Variants in NELL1 observed in about 807,000 individuals in gnomAD.
NELL1 encodes the protein protein kinase C-binding protein NELL1.
A neutral mutation model predicts 107.4 loss-of-function variants in NELL1; 76 were observed. That is an observed-to-expected ratio of 0.71 (90% confidence interval 0.59 to 0.86). The LOEUF is 0.86. Among genes scored for constraint, NELL1 ranks in the 40% least tolerant of loss-of-function variants. The probability of loss-of-function intolerance (pLI) is 0.00; values close to 1 mark genes in which losing one functional copy is unlikely to be tolerated. For synonymous variants in NELL1, 353 were observed against 341.2 expected (o/e 1.03, Z -0.38); for missense variants, 1,024 against 1,005.5 (o/e 1.02, Z -0.25).
chr11:21,387,765 C>T (rs180751910), intron 15 of NELL1, among the ~76,000 whole-genome samples: 333 of 151,926 alleles, frequency 2.2e-3, no homozygotes, highest in African/African-American at 7.7e-3. Context: ...ATACCATCTA[C>T]ACCACATCGA....
At chr11:21,516,874 G>A (rs78232210) in intron 15 of NELL1, among the ~76,000 whole-genome samples, 20,358 of 150,728 alleles carry the variant, frequency 0.14, 1,495 homozygotes, top group Admixed American at 0.2. Flanking sequence ...GCATGATCTC[G>A]GCCCAGTGCA....
chr11:21,331,476 G>T (rs192390218), intron 14 of NELL1, among the ~76,000 whole-genome samples: 409 of 152,144 alleles, frequency 2.7e-3, no homozygotes, highest in Non-Finnish European at 4.5e-3. Context: ...GAGGATGCAG[G>T]CTTTGGCATG....
intron 16 of NELL1, among the ~76,000 whole-genome samples, chr11:21,546,538 T>C (rs1417204867): frequency 6.6e-6 from 1 of 151,942 alleles, no homozygotes; most frequent in Non-Finnish European, 1.5e-5. Context: ...CCTGCTACTC[T>C]CATAATATAG....
chr11:21,211,341 G>C lies in NELL1; in HGVS notation c.1427-17991G>C, dbSNP rs368545089. Among the ~76,000 whole-genome samples, 111 of 152,232 alleles carry C rather than the reference G, an allele frequency of 7.3e-4. 4 individuals are homozygous for C. In the South Asian group the frequency reaches 0.022, roughly 30 times the overall value. On this transcript the variant is annotated intron_variant, in intron 13 of 19. Coordinates refer to ENST00000357134, the MANE Select transcript of NELL1 (RefSeq NM_006157.5). ...TGAGAGGTAAAAAGGAACTTTTGAG[G>C]CAGGAGACAAAGCCATTGTGCTTGC...
At chr11:21,318,430 G>T (rs1284437344) in intron 14 of NELL1, among the ~76,000 whole-genome samples, 1 of 152,024 alleles carries the variant, frequency 6.6e-6, no homozygotes, top group Non-Finnish European at 1.5e-5. Flanking sequence ...ATTTCTAGGG[G>T]CTTCTCCATC....
intron 13 of NELL1, among the ~76,000 whole-genome samples, chr11:21,204,420 A>G (rs1857343994): frequency 1.3e-5 from 2 of 151,792 alleles, no homozygotes; most frequent in Non-Finnish European, 2.9e-5. Context: ...ATACCAATGT[A>G]TGCTTCAGGA....
chr11:20,811,337 G>C (rs530278607), intron 3 of NELL1, among the ~76,000 whole-genome samples: 1 of 151,966 alleles, frequency 6.6e-6, no homozygotes, highest in Non-Finnish European at 1.5e-5. Flanking sequence ...ATGTTGTTTT[G>C]GTTATCATAT....
At chr11:20,703,284 A>T (rs1854846888) in intron 2 of NELL1, among the ~76,000 whole-genome samples, 1 of 152,136 alleles carries the variant, frequency 6.6e-6, no homozygotes, top group African/African-American at 2.4e-5. Flanking sequence ...TAGTTCATTT[A>T]TGTAGAGGTG....
At chr11:21,095,703 T>G (rs1370305089) in intron 12 of NELL1, among the ~76,000 whole-genome samples, 1 of 152,048 alleles carries the variant, frequency 6.6e-6, no homozygotes, top group Non-Finnish European at 1.5e-5. Context: ...CTCCACCTCC[T>G]GGGTTCAAGT....
intron 14 of NELL1, among the ~76,000 whole-genome samples, chr11:21,259,774 C>T (rs1390949636): frequency 1.3e-5 from 2 of 148,694 alleles, no homozygotes; most frequent in Non-Finnish European, 3.0e-5. Context: ...GACTTTTTTT[C>T]AAGAATTAGC....
At chr11:21,013,524 G>C (rs1377998105) in intron 12 of NELL1, among the ~76,000 whole-genome samples, 3 of 152,136 alleles carry the variant, frequency 2.0e-5, no homozygotes, top group Non-Finnish European at 4.4e-5. Flanking sequence ...TGCCTAAATG[G>C]ACTGCTGAGG....
At chr11:20,889,742 G>A (rs572253837) in intron 5 of NELL1, among the ~76,000 whole-genome samples, 378 of 152,248 alleles carry the variant, frequency 2.5e-3, no homozygotes, top group Non-Finnish European at 4.2e-3. Context: ...GGAACAGTGC[G>A]GTGCGACGGC....
chr11:20,760,984 G>A (rs1422776440), intron 2 of NELL1, among the ~76,000 whole-genome samples: 13 of 152,126 alleles, frequency 8.5e-5, no homozygotes, highest in African/African-American at 2.9e-4. Context: ...GTGCTGTCCC[G>A]CGGGTATAAA....
intron 2 of NELL1, among the ~76,000 whole-genome samples, chr11:20,714,981 C>T (rs1351239159): frequency 6.6e-6 from 1 of 152,130 alleles, no homozygotes; most frequent in East Asian, 1.9e-4. Flanking sequence ...CGGTGGCTCA[C>T]GCCTGTAATC....
intron 13 of NELL1, among the ~76,000 whole-genome samples, chr11:21,164,566 T>C (rs1303923289): frequency 6.6e-6 from 1 of 152,224 alleles, no homozygotes; most frequent in Non-Finnish European, 1.5e-5. Flanking sequence ...CACTAGATAC[T>C]ACATTTTTAA....
In NELL1 at chr11:21,318,713, G is replaced by A. The variant is rs185783080; in HGVS notation, c.1550-52140G>A. Among the ~76,000 whole-genome samples, 305 of 152,128 alleles carry A rather than the reference G, an allele frequency of 2.0e-3. 4 individuals carry two copies. The highest frequency in any genetic ancestry group is 7.1e-3 in the African/African-American group (295 of 41,444). On this transcript the variant is annotated intron_variant, in intron 14 of 19. Transcript: ENST00000357134. The stretch of plus-strand genomic sequence containing the variant: ...AACACATAGTAGGTATTCAATAAAT[G>A]TTTATTAAATAGATACAGAAATAAG...
chr11:20,948,330 G>A (rs947202354), intron 11 of NELL1, among the ~76,000 whole-genome samples: 1 of 152,022 alleles, frequency 6.6e-6, no homozygotes, highest in African/African-American at 2.4e-5. Context: ...TGGGAGTACA[G>A]GCATGAGCCA....
intron 15 of NELL1, among the ~76,000 whole-genome samples, chr11:21,490,458 CAAAAAAAAAAA>C (rs66826369): frequency 9.1e-6 from 1 of 109,978 alleles, no homozygotes; most frequent in Admixed American, 9.2e-5. Flanking sequence ...TGTATGGAAC[CAAAAAAAAAAA>C]AAAAAAAAGC....
chr11:21,038,827 T>C (rs769935399), intron 12 of NELL1, among the ~76,000 whole-genome samples: 1 of 152,250 alleles, frequency 6.6e-6, no homozygotes, highest in Non-Finnish European at 1.5e-5. Flanking sequence ...CTCTAGACTG[T>C]AAATCAACTA....
Sources: gnomAD v4.1 joint callset for allele counts (sites outside exome capture counted in the v4.1 genomes callset) on GRCh38, gnomAD v4.1.1 for gene constraint, MANE v1.5 for transcripts, NCBI Gene and HGNC (gene_info 2026-07-23, HGNC 2026-07-21) for gene names.